TTN: variants seen among roughly 807,000 people sequenced by gnomAD.
TTN encodes the protein titin.
TTN carries 1,525 observed loss-of-function variants against 3,223.0 expected under a neutral mutation model. The observed-to-expected ratio is 0.47, with a 90% CI of 0.45 to 0.49. TTN has a LOEUF of 0.49. TTN is among the 20% of genes least tolerant of loss of function. The probability of loss-of-function intolerance (pLI) is 0.00; values close to 1 mark genes in which losing one functional copy is unlikely to be tolerated. For synonymous variants in TTN, 14,094 were observed against 15,161.0 expected (o/e 0.93, Z 5.17); for missense variants, 40,786 against 43,424.0 (o/e 0.94, Z 5.40).
chr2:178,714,718 A>C, intron 90 of TTN, 145 bp from the exon 91 acceptor site: 1 of 1,017,902 alleles, frequency 9.8e-7, no homozygotes, highest in Non-Finnish European at 1.4e-6. Flanking sequence ...GCAGGGACAC[A>C]TTAAAGTTTG....
intron 47 of TTN, chr2:178,747,235 T>C (rs1469652687): frequency 6.2e-7 from 1 of 1,612,846 alleles, no homozygotes. Context: ...GTGTCTCCCC[T>C]GGGGGTGTGG....
chr2:178,672,498 T>C lies in TTN; in HGVS notation c.34856-17A>G, dbSNP rs188686309. The C allele has an allele frequency of 6.6e-5, 106 of 1,603,416 alleles. No individual in the cohort carries two copies. In the African/African-American group the frequency reaches 1.4e-3, roughly 21 times the overall value. On this transcript the variant is annotated splice_polypyrimidine_tract_variant and intron_variant, in intron 153 of 362. Transcript: ENST00000589042. Reference sequence around the variant, plus strand: ...CTTCAGGCACTTTAAAGATACAGTTTTAATATTTAGGACTGTCGAGAGCAA... The same window carrying C: ...CTTCAGGCACTTTAAAGATACAGTTCTAATATTTAGGACTGTCGAGAGCAA...
chr2:178,548,798 A>G lies in TTN; in HGVS notation c.92828T>C (p.Ile30943Thr). The change falls in exon 339 of 363, where the codon ATT becomes ACT. Residue 30943 changes from isoleucine (I) to threonine (T), a missense_variant. Transcript: ENST00000589042. The surrounding 1 kb of genome is among the most constrained non-coding windows in gnomAD (Gnocchi z 4.3). ...QTHVVRAGAS[I>T]RLFIAYQGRP... ...ACCTTGGTAGGCAATGAAGAGGCGA[A>G]TACTGGCCCCAGCTCTAACAACATG... The G allele has an allele frequency of 6.2e-7, 1 of 1,612,870 alleles. No individual in the cohort carries two copies. The highest frequency in any genetic ancestry group is 1.1e-5 in the South Asian group (1 of 91,086).
Position 178,790,822 on chromosome 2 carries a change from A to C in TTN, c.1686T>G (p.Thr562=). 1 of 1,614,148 alleles carries C rather than the reference A, an allele frequency of 6.2e-7. No homozygotes were observed. Among genetic ancestry groups the C allele is most frequent in the Non-Finnish European group, 8.5e-7 (1 of 1,179,994 alleles). Residue 562 remains threonine (T), a synonymous_variant, in exon 11 of 363, where the codon ACT becomes ACG. Coordinates refer to ENST00000589042, the MANE Select transcript of TTN (RefSeq NM_001267550.2). ...QEAIRQETEI[T]AASMVVVATA... ...TGGCAACTACCACCATGGATGCAGC[A>C]GTTATCTCAGTTTCCTGTCTTATCT...
At chr2:178,613,649 T>G (rs1032646623) in intron 263 of TTN, 102 bp downstream of exon 263, 1 of 1,243,722 alleles carries the variant, frequency 8.0e-7, no homozygotes, top group African/African-American at 1.6e-5. Context: ...AGTTTAAAAT[T>G]TTTTTAGTAA....
At chr2:178,617,301 C>T (rs1408498082) in intron 254 of TTN, 24 bp downstream of exon 254, 1 of 1,545,592 alleles carries the variant, frequency 6.5e-7, no homozygotes, top group East Asian at 2.3e-5. Context: ...ATTGAATATT[C>T]TTTTTTATAT....
At chr2:178,692,451 A>G in intron 120 of TTN, 46 bp downstream of exon 120, 2 of 1,495,996 alleles carry the variant, frequency 1.3e-6, no homozygotes, top group Non-Finnish European at 1.8e-6. Context: ...AGAAAAAGAT[A>G]CAAGATGGAT....
At chr2:178,786,216 A>G in intron 13 of TTN, 75 bp from the exon 14 acceptor site, 2 of 1,527,280 alleles carry the variant, frequency 1.3e-6, no homozygotes, top group Admixed American at 1.8e-5. Context: ...GCATCAGGAC[A>G]GGCAGATGGC....
In TTN at chr2:178,667,440, AC is replaced by A. The variant is rs758922909; in HGVS notation, c.35713+1del. ...TCTGGGTTTGATGTATTTGAAATAT[AC>A]CTTTAGTTGCTGGTGTTTCTCTCTT... is the stretch of plus-strand genomic sequence containing the variant. On this transcript the variant is annotated splice_donor_variant, in intron 161 of 362. Coordinates refer to ENST00000589042, the MANE Select transcript of TTN (RefSeq NM_001267550.2). LOFTEE classifies it high-confidence loss of function. 1.2e-5 allele frequency: 19 copies of A among 1,598,832 alleles called. No homozygotes were observed. The highest frequency in any genetic ancestry group is 8.5e-5 in the Admixed American group (5 of 58,600).
chr2:178,550,107 G>A lies in TTN; in HGVS notation c.91731C>T (p.Asp30577=), dbSNP rs727505073. Residue 30577 remains aspartate (D), a synonymous_variant, in exon 337 of 363, where the codon GAC becomes GAT. Transcript: ENST00000589042. ...CAAATAGGCTGGTGGATCCAAGTAC[G>A]TCGGTTATTTCCATATTCATCCTCT... The part of the protein sequence containing the change: ...IEKRMNMEIT[D]VLGSTSLFVR... The A allele has an allele frequency of 9.3e-6, 15 of 1,613,782 alleles. No individual in the cohort carries two copies. The highest frequency in any genetic ancestry group is 8.3e-5 in the Admixed American group (5 of 60,004).
chr2:178,750,206 T>C (rs747164800), intron 47 of TTN: 23 of 1,613,040 alleles, frequency 1.4e-5, no homozygotes, highest in African/African-American at 2.7e-5. Flanking sequence ...GCCTTTTGCT[T>C]GGTCAAACAC....
At position 178,730,015 on chromosome 2, in the gene TTN, T is replaced by C. The variant is rs2080116404; in HGVS notation, c.18308-70A>G. On this transcript the variant is annotated intron_variant, in intron 62 of 362. Coordinates refer to ENST00000589042, the MANE Select transcript of TTN (RefSeq NM_001267550.2). ...AGGTCACTGGGCAAAACTGCTGTCT[T>C]AAGCGTCCCCCGCCCCGGCCCACCC... 7.5e-6 allele frequency: 12 copies of C among 1,596,670 alleles called. No homozygotes were observed. In the East Asian group the frequency reaches 2.0e-4, roughly 27 times the overall value.
intron 43 of TTN, among the ~76,000 whole-genome samples, chr2:178,763,577 A>G (rs546241350): frequency 1.3e-5 from 2 of 152,300 alleles, no homozygotes; most frequent in South Asian, 4.1e-4. Flanking sequence ...TCCTAGCCTC[A>G]TAAAATATAT....
chr2:178,775,276 A>G, intron 28 of TTN, 74 bp from the exon 29 acceptor site: 1 of 1,612,206 alleles, frequency 6.2e-7, no homozygotes, highest in Non-Finnish European at 8.5e-7. Context: ...AGGAATGGGG[A>G]AAGAAAATAA....
Position 178,715,613 on chromosome 2 carries a change from C to T in TTN, c.25801G>A (p.Val8601Ile), listed in dbSNP as rs184812963. Reference sequence around the variant, plus strand: ...ATTTCCAGCACAGCCACCGAGTCAACGAATGACATTCTGAATTTACTGCTC... The same window carrying T: ...ATTTCCAGCACAGCCACCGAGTCAATGAATGACATTCTGAATTTACTGCTC... ...QESSKFRMSF[V>I]DSVAVLEMHN... The change falls in exon 89 of 363, where the codon GTT (valine) becomes ATT (isoleucine). Residue 8601 changes from valine to isoleucine, a missense_variant. Transcript: ENST00000589042. 8 of 1,613,628 alleles carry T rather than the reference C, an allele frequency of 5.0e-6. No homozygotes were observed. The highest frequency in any genetic ancestry group is 4.5e-5 in the East Asian group (2 of 44,850).
At position 178,728,630 on chromosome 2, in the gene TTN, T is replaced by C. The variant is rs755388066; in HGVS notation, c.19296A>G (p.Ser6432=). The C allele has an allele frequency of 7.4e-6, 12 of 1,613,296 alleles. No individual in the cohort carries two copies. The highest frequency in any genetic ancestry group is 9.3e-6 in the Non-Finnish European group (11 of 1,179,572). ...TGGCCACGTTATTTTCAAAACTCAT[T>C]GAAAAGTATCTACTGGGAACTATTT... ...GKQIVPSRYF[S]MSFENNVASF... is the part of the protein sequence containing the mutation. Residue 6432 remains serine (S), a synonymous_variant, in exon 66 of 363, where the codon TCA becomes TCG. Transcript: ENST00000589042.
chr2:178,551,554 A>T (rs554869970), intron 335 of TTN, 76 bp downstream of exon 335: 2 of 1,257,102 alleles, frequency 1.6e-6, no homozygotes, highest in East Asian at 5.0e-5. Flanking sequence ...TGCAGAGAAG[A>T]AAAGCATTCC....
intron 221 of TTN, 71 bp from the exon 222 acceptor site, chr2:178,640,181 A>G: frequency 7.1e-7 from 1 of 1,406,892 alleles, no homozygotes; most frequent in Non-Finnish European, 9.9e-7. Context: ...CAAAACTAAA[A>G]TTAAGCCCAC....
chr2:178,768,114 C>A lies in TTN; in HGVS notation c.9205G>T (p.Val3069Leu). 6 of 1,614,038 alleles carry A rather than the reference C, an allele frequency of 3.7e-6. No individual in the cohort carries two copies. Among genetic ancestry groups the A allele is most frequent in the Admixed American group, 1.7e-5 (1 of 60,004 alleles). Residue 3069 changes from valine (V) to leucine (L), a missense_variant, in exon 39 of 363, where the codon GTA becomes TTA. Transcript: ENST00000589042. ...AACATGGCTCGCTTCTTCTCCAGTA[C>A]CTTAATGTCCTTAATGTGTTTCCTA... Reference protein sequence around the residue: ...EFRKHIKDIKVLEKKRAMFEC... With the variant: ...EFRKHIKDIKLLEKKRAMFEC...
Sources: gnomAD v4.1 joint callset for allele counts (sites outside exome capture counted in the v4.1 genomes callset) on GRCh38, gnomAD v4.1.1 for gene constraint, Gnocchi (gnomAD v3.1) non-coding constraint, MANE v1.5 for transcripts, NCBI Gene and HGNC (gene_info 2026-07-23, HGNC 2026-07-21) for gene names.